FBN2: variants seen among roughly 807,000 people sequenced by gnomAD.
The protein encoded by FBN2 is fibrillin 2.
Under a neutral mutation model 355.6 loss-of-function variants are expected in FBN2, and 105 were observed. The ratio of observed to expected loss-of-function variants is 0.30; its 90% CI spans 0.25 to 0.35. The LOEUF (loss-of-function observed/expected upper bound fraction) is 0.35. FBN2 is among the 10% of genes least tolerant of loss of function. The pLI is 1.00. For synonymous variants in FBN2, 1,350 were observed against 1,301.2 expected (o/e 1.04, Z -0.81); for missense variants, 3,280 against 3,758.7 (o/e 0.87, Z 3.33).
chr5:128,339,036 A>T lies in FBN2; in HGVS notation c.3369T>A (p.Pro1123=), dbSNP rs758977496. The change falls in exon 26 of 65, where the codon CCT becomes CCA. Residue 1123 remains proline, a synonymous_variant. Transcript: ENST00000262464. ...CGCAGATTCCACTGCCACAGAGGTC[A>T]GGAGAAATCCTGCACTCGTCGATGT... ...CTDIDECRIS[P]DLCGSGICVN... 4 of 1,613,994 alleles carry T rather than the reference A, an allele frequency of 2.5e-6. No individual in the cohort carries two copies. The African/African-American group carries it at 5.3e-5, about 22-fold the overall frequency.
chr5:128,323,601 T>C (rs1214240485), intron 34 of FBN2, among the ~76,000 whole-genome samples: 1 of 152,234 alleles, frequency 6.6e-6, no homozygotes, highest in African/African-American at 2.4e-5. Context: ...ATTTACTGAT[T>C]TGCATATGTT....
chr5:128,538,023 C>A lies in FBN2; in HGVS notation c.-420G>T, dbSNP rs964468564. Reference sequence around the variant, plus strand: ...GAGCTCGGCGGATTCCCGTGCGCTCCGAAGACGGATATTGGAAAGCTGCAA... The same window carrying A: ...GAGCTCGGCGGATTCCCGTGCGCTCAGAAGACGGATATTGGAAAGCTGCAA... On this transcript the variant is annotated 5_prime_UTR_variant, in exon 1 of 65. Transcript: ENST00000262464. 2.0e-5 allele frequency: 4 copies of A among 204,386 alleles called. No individual in the cohort carries two copies. The highest frequency in any genetic ancestry group is 5.8e-5 in the Admixed American group (1 of 17,202). The allele number at this position is 204,386 out of a possible 1,614,324, so 12.7% of individuals were successfully genotyped here.
At chr5:128,283,239 A>T (rs1014338359) in intron 55 of FBN2, among the ~76,000 whole-genome samples, 1 of 151,856 alleles carries the variant, frequency 6.6e-6, no homozygotes, top group Admixed American at 6.6e-5. Context: ...AATACAAAAA[A>T]CTCTCTTATT....
At chr5:128,429,719 A>G (rs897763256) in intron 7 of FBN2, among the ~76,000 whole-genome samples, 3 of 152,210 alleles carry the variant, frequency 2.0e-5, no homozygotes, top group African/African-American at 7.2e-5. Flanking sequence ...GTTTTGCTTT[A>G]CTTGTTAATT....
intron 11 of FBN2, among the ~76,000 whole-genome samples, chr5:128,381,811 A>G (rs1752241597): frequency 6.6e-6 from 1 of 152,088 alleles, no homozygotes; most frequent in Non-Finnish European, 1.5e-5. Flanking sequence ...ACCCTAGGGC[A>G]TACCACTTAT....
chr5:128,280,299 G>A lies in FBN2; in HGVS notation c.7031C>T (p.Thr2344Ile), dbSNP rs1380108239. 5 of 1,610,706 alleles carry A rather than the reference G, an allele frequency of 3.1e-6. No homozygotes were observed. The highest frequency in any genetic ancestry group is 1.1e-5 in the South Asian group (1 of 91,024). The change falls in exon 56 of 65, where the codon ACC (threonine) becomes ATC (isoleucine). Residue 2344 changes from threonine (T) to isoleucine (I), a missense_variant. Physicochemically the swap from Thr to Ile is moderately conservative, Grantham distance 89. Transcript: ENST00000262464. ...EGCVDENECRTKPGICENGRC... is the reference protein window; with the variant it reads ...EGCVDENECRIKPGICENGRC... ...TCCATTTTCACAGATTCCTGGCTTG[G>A]TCCTGCATTCATTTTCATCTTTAGA...
At chr5:128,345,179 T>G (rs1222904284) in intron 24 of FBN2, among the ~76,000 whole-genome samples, 178 bp downstream of exon 24, 2 of 152,210 alleles carry the variant, frequency 1.3e-5, no homozygotes. Context: ...ATCTCTTTAC[T>G]TCAATGCCAT....
intron 10 of FBN2, among the ~76,000 whole-genome samples, chr5:128,392,715 A>C (rs1188575661): frequency 6.6e-6 from 1 of 152,208 alleles, no homozygotes; most frequent in Non-Finnish European, 1.5e-5. Context: ...ATCTCAGTGG[A>C]GAAATGGTTC....
Position 128,311,965 on chromosome 5 carries a change from T to C in FBN2, c.4880-12A>G, listed in dbSNP as rs376111927. 29 of 1,597,148 alleles carry C rather than the reference T, an allele frequency of 1.8e-5. No individual in the cohort carries two copies. The highest frequency in any genetic ancestry group is 9.4e-5 in the African/African-American group (7 of 74,516). The stretch of plus-strand genomic sequence containing the variant: ...GGTGTAATATTCAGCTACAAAACAA[T>C]AGAAAAATAAGAGGTTTGATACCTG... On this transcript the variant is annotated splice_polypyrimidine_tract_variant and intron_variant, in intron 37 of 64. Coordinates refer to ENST00000262464, the MANE Select transcript of FBN2 (RefSeq NM_001999.4).
At chr5:128,437,495 A>C (rs1753798520) in intron 7 of FBN2, among the ~76,000 whole-genome samples, 1 of 152,162 alleles carries the variant, frequency 6.6e-6, no homozygotes, top group East Asian at 1.9e-4. Context: ...AGAAAATGTG[A>C]GATTCCTATA....
intron 7 of FBN2, among the ~76,000 whole-genome samples, chr5:128,437,994 G>T (rs1315305078): frequency 1.3e-5 from 2 of 152,244 alleles, no homozygotes; most frequent in East Asian, 3.9e-4. Context: ...GTTTCAAAAT[G>T]ACTTAACAAC....
At chr5:128,404,686 TC>T (rs1188794125) in intron 8 of FBN2, among the ~76,000 whole-genome samples, 4 of 152,124 alleles carry the variant, frequency 2.6e-5, no homozygotes, top group Non-Finnish European at 5.9e-5. Flanking sequence ...AAGCCCAGGG[TC>T]CATGAAGCTG....
intron 7 of FBN2, among the ~76,000 whole-genome samples, chr5:128,438,053 T>C (rs1304656757): frequency 1.3e-5 from 2 of 152,210 alleles, no homozygotes; most frequent in African/African-American, 4.8e-5. Flanking sequence ...TGCAGTGGCA[T>C]GATCCCAGGT....
intron 4 of FBN2, 86 bp downstream of exon 4, chr5:128,527,786 T>C: frequency 1.0e-6 from 1 of 985,904 alleles, no homozygotes; most frequent in Non-Finnish European, 1.6e-6. Context: ...TTTCAAAAGA[T>C]CACAGGATTT....
chr5:128,458,073 C>G (rs1486173824), intron 6 of FBN2, among the ~76,000 whole-genome samples: 2 of 152,018 alleles, frequency 1.3e-5, no homozygotes, highest in Non-Finnish European at 2.9e-5. Flanking sequence ...TAAGGAAACC[C>G]GTCTTACATG....
In FBN2 at chr5:128,519,300, C is replaced by A; in HGVS notation, c.601G>T (p.Gly201Trp). ...IGPNRCACVYGFTGPQCERDY... is the reference protein window; with the variant it reads ...IGPNRCACVYWFTGPQCERDY... ...CTTTCACACTGTGGACCAGTGAACC[C>A]ATAAACACAAGCACAGCGGTTGGGT... is the stretch of plus-strand genomic sequence containing the variant. The change falls in exon 5 of 65, where the codon GGG (glycine) becomes TGG (tryptophan). Residue 201 changes from glycine to tryptophan, a missense_variant. By Grantham distance (184) the Gly-to-Trp change is radical. Coordinates refer to ENST00000262464, the MANE Select transcript of FBN2 (RefSeq NM_001999.4). The A allele has an allele frequency of 6.2e-7, 1 of 1,613,738 alleles. No individual in the cohort carries two copies. The highest frequency in any genetic ancestry group is 8.5e-7 in the Non-Finnish European group (1 of 1,179,790).
intron 48 of FBN2, among the ~76,000 whole-genome samples, chr5:128,297,249 A>G (rs1334469256): frequency 6.6e-6 from 1 of 152,140 alleles, no homozygotes; most frequent in Non-Finnish European, 1.5e-5. Flanking sequence ...GGAGAGCTTT[A>G]CTTCCAAGTA....
At chr5:128,406,547 G>A (rs1752932422) in intron 8 of FBN2, among the ~76,000 whole-genome samples, 1 of 152,026 alleles carries the variant, frequency 6.6e-6, no homozygotes, top group African/African-American at 2.4e-5. Flanking sequence ...GGGTTCAGGG[G>A]CCATGATGAA....
At chr5:128,274,814 G>A (rs538694821) in intron 59 of FBN2, 131 bp from the exon 60 acceptor site, 1 of 717,292 alleles carries the variant, frequency 1.4e-6, no homozygotes, top group Non-Finnish European at 2.6e-6. Context: ...AAGCTTCGTA[G>A]ATTTCCATAG....
Sources: gnomAD v4.1 joint callset for allele counts (sites outside exome capture counted in the v4.1 genomes callset) on GRCh38, gnomAD v4.1.1 for gene constraint, MANE v1.5 for transcripts, NCBI Gene and HGNC (gene_info 2026-07-23, HGNC 2026-07-21) for gene names.